ASTN2: variants seen among roughly 807,000 people sequenced by gnomAD.
ASTN2 encodes the protein astrotactin-2.
Under a neutral mutation model 139.8 loss-of-function variants are expected in ASTN2, and 54 were observed. That is an observed-to-expected ratio of 0.39 (90% CI 0.31 to 0.48). The LOEUF (loss-of-function observed/expected upper bound fraction) is 0.48. Ranked by LOEUF, ASTN2 falls within the 20% of genes least tolerant of loss-of-function variation. The pLI, the probability that ASTN2 is intolerant of heterozygous loss-of-function variation, is 0.95. For missense variants in ASTN2, 1,565 were observed against 1,725.1 expected, an observed-to-expected ratio of 0.91 and a Z score of 1.64; for synonymous variants, 756 against 719.5, an observed-to-expected ratio of 1.05 and a Z score of -0.81.
chr9:117,081,686 C>G (rs62562211), intron 5 of ASTN2, among the ~76,000 whole-genome samples: 23,737 of 152,068 alleles, frequency 0.16, 2,149 homozygotes, highest in African/African-American at 0.23. Context: ...AAAAGAGAAT[C>G]GGGCCTTGAA....
chr9:117,240,218 G>T (rs751499677), intron 2 of ASTN2, among the ~76,000 whole-genome samples: 1 of 152,136 alleles, frequency 6.6e-6, no homozygotes, highest in Admixed American at 6.5e-5. Flanking sequence ...GTTCAGTGAC[G>T]TGGTGAGAAG....
At chr9:117,220,597 T>A (rs1832481330) in intron 2 of ASTN2, among the ~76,000 whole-genome samples, 1 of 151,910 alleles carries the variant, frequency 6.6e-6, no homozygotes, top group Non-Finnish European at 1.5e-5. Context: ...AAGACAGAGA[T>A]CCAAGTGATG....
chr9:117,060,855 A>G (rs866431481), intron 5 of ASTN2, among the ~76,000 whole-genome samples: 1 of 152,136 alleles, frequency 6.6e-6, no homozygotes, highest in South Asian at 2.1e-4. Flanking sequence ...AGATTGTGCC[A>G]CTGCACTCCA....
At chr9:117,400,484 G>T (rs1033291521) in intron 1 of ASTN2, among the ~76,000 whole-genome samples, 1 of 152,198 alleles carries the variant, frequency 6.6e-6, no homozygotes, top group Non-Finnish European at 1.5e-5. Flanking sequence ...AGAAAAGAGG[G>T]GAGGGAGGGA....
rs140334480 is a variant in ASTN2 at position 116,851,561 on chromosome 9, A to G, written c.2040+12022T>C. Among the ~76,000 whole-genome samples the G allele has an allele frequency of 7.9e-5, 12 of 152,160 alleles. 1 individual carries two copies. The East Asian group carries it at 2.1e-3, about 27-fold the overall frequency. On this transcript the variant is annotated intron_variant, in intron 11 of 22. Transcript: ENST00000313400. ...GTAAATCTACTAAAAGGACATGTCA[A>G]AATGTTAGTAGTAGCTATTTGGAGG...
intron 5 of ASTN2, among the ~76,000 whole-genome samples, chr9:117,064,302 C>A (rs1462077317): frequency 1.3e-5 from 2 of 152,210 alleles, no homozygotes; most frequent in African/African-American, 4.8e-5. Context: ...AGCCAGATTG[C>A]TATTTTGGTA....
chr9:117,411,856 C>G (rs1831170604), intron 1 of ASTN2, among the ~76,000 whole-genome samples: 1 of 152,214 alleles, frequency 6.6e-6, no homozygotes, highest in South Asian at 2.1e-4. Context: ...ATAGTGAAAG[C>G]TGCCCAACTC....
intron 1 of ASTN2, among the ~76,000 whole-genome samples, chr9:117,342,854 G>A (rs1564156112): frequency 6.6e-6 from 1 of 152,122 alleles, no homozygotes. Context: ...CATCTCTTCT[G>A]GGGAAGCCAA....
chr9:117,035,162 C>T (rs142440459), intron 6 of ASTN2, among the ~76,000 whole-genome samples: 1 of 152,220 alleles, frequency 6.6e-6, no homozygotes, highest in Non-Finnish European at 1.5e-5. Flanking sequence ...AGGATGAAAG[C>T]TGCTCTGGCT....
At chr9:117,082,917 C>T (rs1362530872) in intron 5 of ASTN2, among the ~76,000 whole-genome samples, 1 of 152,204 alleles carries the variant, frequency 6.6e-6, no homozygotes, top group Non-Finnish European at 1.5e-5. Flanking sequence ...GCTTGGCCAC[C>T]TCTCGTCCAT....
chr9:117,075,566 C>G (rs1467536699), intron 5 of ASTN2, among the ~76,000 whole-genome samples: 1 of 152,054 alleles, frequency 6.6e-6, no homozygotes, highest in African/African-American at 2.4e-5. Flanking sequence ...CCCTTGTTTT[C>G]TGGTCCAGAC....
chr9:117,333,750 C>T (rs1019030826), intron 1 of ASTN2, among the ~76,000 whole-genome samples: 13 of 152,100 alleles, frequency 8.5e-5, no homozygotes, highest in Non-Finnish European at 1.3e-4. Context: ...GTGATCTGCC[C>T]GCTTCAGCTT....
chr9:116,684,165 A>C (rs1860058585), intron 16 of ASTN2, among the ~76,000 whole-genome samples: 1 of 152,200 alleles, frequency 6.6e-6, no homozygotes, highest in Non-Finnish European at 1.5e-5. Flanking sequence ...GGCTTTTAAA[A>C]ACTCTTATCT....
chr9:116,926,822 C>G (rs1214768232), intron 10 of ASTN2, among the ~76,000 whole-genome samples: 2 of 152,260 alleles, frequency 1.3e-5, no homozygotes, highest in East Asian at 3.9e-4. Flanking sequence ...GACTCCAAAA[C>G]CCAAGTTCTT....
In ASTN2 at chr9:117,254,613, C is replaced by T. The variant is rs540939666; in HGVS notation, c.630+36713G>A. 9.5e-4 allele frequency among the ~76,000 whole-genome samples: 145 copies of T among 152,282 alleles called. 1 individual carries two copies. Among genetic ancestry groups the T allele is most frequent in the Non-Finnish European group, 1.7e-3 (113 of 68,012 alleles). ...TGACTACCATAACATAAAGCAGTGG[C>T]ATTTAAATTATGTCCCATTGGGGCC... is the stretch of plus-strand genomic sequence containing the variant. On this transcript the variant is annotated intron_variant, in intron 2 of 22. Transcript: ENST00000313400.
intron 1 of ASTN2, among the ~76,000 whole-genome samples, chr9:117,350,808 T>G (rs1475190384): frequency 6.6e-6 from 1 of 152,120 alleles, no homozygotes; most frequent in African/African-American, 2.4e-5. Context: ...CAGAGAAAGC[T>G]TGTCATATAT....
At chr9:117,194,138 C>T (rs1408424611) in intron 3 of ASTN2, among the ~76,000 whole-genome samples, 1 of 152,142 alleles carries the variant, frequency 6.6e-6, no homozygotes, top group Admixed American at 6.5e-5. Flanking sequence ...AAGTGGCTGG[C>T]CATAGAAATG....
chr9:117,127,065 T>C (rs73657664), intron 4 of ASTN2, among the ~76,000 whole-genome samples: 1,814 of 152,308 alleles, frequency 0.012, 40 homozygotes, highest in Middle Eastern at 0.075. Context: ...TTGCTCTGAC[T>C]TGGACTTGTA....
intron 22 of ASTN2, among the ~76,000 whole-genome samples, chr9:116,429,571 G>A (rs1847430812): frequency 6.6e-6 from 1 of 152,158 alleles, no homozygotes; most frequent in Admixed American, 6.5e-5. Flanking sequence ...TTGGCACAAA[G>A]CAAGCACCTG....
Sources: allele counts gnomAD v4.1 joint callset (sites outside exome capture counted in the v4.1 genomes callset), GRCh38; gene constraint gnomAD v4.1.1; transcripts MANE v1.5; gene names NCBI Gene and HGNC (gene_info 2026-07-23, HGNC 2026-07-21).